The following KANSL1 variants were observed in gnomAD, a reference collection of about 807,000 sequenced individuals.
KANSL1 encodes the protein KAT8 regulatory NSL complex subunit 1.
In KANSL1, 22 loss-of-function variants were observed where a neutral mutation model predicts 103.6. That is an observed-to-expected ratio of 0.21 (90% CI 0.15 to 0.30). KANSL1 has a LOEUF of 0.30. Among genes scored for constraint, KANSL1 ranks in the 10% least tolerant of loss-of-function variants. KANSL1 has a pLI of 1.00. For synonymous variants in KANSL1, 600 were observed against 527.6 expected, an observed-to-expected ratio of 1.14 and a Z score of -1.88; for missense variants, 1,337 against 1,399.8, an observed-to-expected ratio of 0.96 and a Z score of 0.72.
At chr17:46,180,089 T>G (rs2046712310) in intron 1 of KANSL1, among the ~76,000 whole-genome samples, 2 of 152,076 alleles carry the variant, frequency 1.3e-5, no homozygotes, top group Admixed American at 1.3e-4. Context: ...ATTAACAATT[T>G]GCTTAAAACA....
In KANSL1 at chr17:46,146,574, CTG is replaced by C. The variant is rs1378505713; in HGVS notation, c.1289+24279_1289+24280del. Among the ~76,000 whole-genome samples, 45 of 112,574 alleles carry C rather than the reference CTG, an allele frequency of 4.0e-4. 11 individuals are homozygous for C. The highest frequency in any genetic ancestry group is 8.2e-4 in the Non-Finnish European group (34 of 41,656). The allele number at this position is 112,574 out of a possible 152,430, so 73.9% of individuals were successfully genotyped here. On this transcript the variant is annotated intron_variant, in intron 2 of 14. Transcript: ENST00000432791. ...TGAGGCCGGGCGCGGTGGCTCACGC[CTG>C]TAATCCCAGCACTTTGGGAGGCCGA...
chr17:46,088,230 C>T (rs55735563), intron 3 of KANSL1, among the ~76,000 whole-genome samples: 21,553 of 151,822 alleles, frequency 0.14, 2,084 homozygotes, highest in Non-Finnish European at 0.22. Context: ...AACCCTCTCT[C>T]AACTGTATTT....
At chr17:46,123,271 G>A (rs2043366289) in intron 2 of KANSL1, among the ~76,000 whole-genome samples, 14 of 152,212 alleles carry the variant, frequency 9.2e-5, no homozygotes, top group Admixed American at 9.2e-4. Flanking sequence ...CAGCTACTCA[G>A]GAGGCTGAGG....
At chr17:46,221,336 A>G (rs2048527807) in intron 1 of KANSL1, 1 of 150,706 alleles carries the variant, frequency 6.6e-6, no homozygotes, top group East Asian at 1.9e-4. Context: ...TCTTCATTTC[A>G]CTCTTTTCTC....
At chr17:46,184,079 C>A (rs1048888651) in intron 1 of KANSL1, among the ~76,000 whole-genome samples, 11 of 152,184 alleles carry the variant, frequency 7.2e-5, no homozygotes, top group Non-Finnish European at 4.4e-5. Flanking sequence ...CACCAACTTA[C>A]TTTTTACCAT....
intron 2 of KANSL1, among the ~76,000 whole-genome samples, chr17:46,129,487 T>C (rs753195971): frequency 5.9e-5 from 9 of 152,206 alleles, no homozygotes; most frequent in South Asian, 2.1e-4. Context: ...AGTTACAAGA[T>C]TGGCTACACC....
In KANSL1 at chr17:46,039,275, G is replaced by C. The variant is rs554654193; in HGVS notation, c.2204-60C>G. The C allele has an allele frequency of 2.7e-4, 395 of 1,461,906 alleles. 2 individuals carry two copies. Among genetic ancestry groups the C allele is most frequent in the South Asian group, 5.8e-4 (41 of 70,522 alleles). The allele number at this position is 1,461,906 out of a possible 1,614,324, so 90.6% of individuals were successfully genotyped here. On this transcript the variant is annotated intron_variant, in intron 8 of 14. Coordinates refer to ENST00000432791, the MANE Select transcript of KANSL1 (RefSeq NM_015443.4). ...TGTCCTCTCAAATATTTTCTTATTC[G>C]AGTTCCAAGCTCTCGAGTTCTCTCT...
chr17:46,137,163 G>C (rs2044189204), intron 2 of KANSL1, among the ~76,000 whole-genome samples: 1 of 152,134 alleles, frequency 6.6e-6, no homozygotes, highest in Non-Finnish European at 1.5e-5. Flanking sequence ...TTATTCCCCT[G>C]ACTTAATTTT....
intron 4 of KANSL1, among the ~76,000 whole-genome samples, chr17:46,080,972 C>T (rs1302909371): frequency 6.6e-6 from 1 of 152,116 alleles, no homozygotes; most frequent in Non-Finnish European, 1.5e-5. Context: ...ATTTAATACA[C>T]ACACAGGAAT....
chr17:46,094,747 C>A (rs7501903), intron 2 of KANSL1, 46 bp from the exon 3 acceptor site: 4 of 1,610,150 alleles, frequency 2.5e-6, no homozygotes, highest in South Asian at 1.1e-5. Context: ...GCAGTAATAT[C>A]TATACCAGAT....
At chr17:46,139,720 T>C (rs893860668) in intron 2 of KANSL1, among the ~76,000 whole-genome samples, 4 of 152,130 alleles carry the variant, frequency 2.6e-5, no homozygotes, top group Admixed American at 1.3e-4. Context: ...ATACCAAAAA[T>C]AGGCACTAAC....
chr17:46,158,114 C>T (rs1013454316), intron 2 of KANSL1, among the ~76,000 whole-genome samples: 12 of 152,204 alleles, frequency 7.9e-5, no homozygotes, highest in Non-Finnish European at 1.3e-4. Context: ...ATTTTATGCA[C>T]CTAAAAAGCA....
chr17:46,101,890 G>A (rs1163705678), intron 2 of KANSL1, among the ~76,000 whole-genome samples: 4 of 151,954 alleles, frequency 2.6e-5, no homozygotes, highest in Non-Finnish European at 5.9e-5. Context: ...GATAAATTCA[G>A]GAAACAAGTG....
At chr17:46,062,874 A>ACCTCATC (rs2078229659) in intron 6 of KANSL1, among the ~76,000 whole-genome samples, 3 of 151,202 alleles carry the variant, frequency 2.0e-5, no homozygotes, top group Admixed American at 2.0e-4. Context: ...ACACGGTGAA[A>ACCTCATC]CCTCATCTCT....
intron 1 of KANSL1, among the ~76,000 whole-genome samples, chr17:46,182,602 G>A (rs995025119): frequency 2.0e-5 from 3 of 152,198 alleles, no homozygotes; most frequent in African/African-American, 7.2e-5. Flanking sequence ...GTGCAGGATA[G>A]GTTATTACAA....
At chr17:46,184,951 T>C (rs1343062808) in intron 1 of KANSL1, among the ~76,000 whole-genome samples, 1 of 151,662 alleles carries the variant, frequency 6.6e-6, no homozygotes, top group Non-Finnish European at 1.5e-5. Flanking sequence ...GCGTTTCTCC[T>C]GCCTCAGCCT....
At chr17:46,101,754 C>CAAAAAAAAAAAAAA (rs372439614) in intron 2 of KANSL1, among the ~76,000 whole-genome samples, 4 of 93,654 alleles carry the variant, frequency 4.3e-5, no homozygotes, top group Non-Finnish European at 5.5e-5. Context: ...ACTCTGTCTA[C>CAAAAAAAAAAAAAA]AAAAAAAAAA....
intron 1 of KANSL1, among the ~76,000 whole-genome samples, chr17:46,185,598 C>CAA (rs143661996): frequency 4.7e-4 from 67 of 143,582 alleles, no homozygotes; most frequent in African/African-American, 1.4e-3. Context: ...AACTGGAATA[C>CAA]AAAAAAAAAA....
intron 7 of KANSL1, chr17:46,041,769 ATCTT>A (rs1212940362): frequency 5.3e-5 from 8 of 152,224 alleles, no homozygotes; most frequent in Non-Finnish European, 7.4e-5. Flanking sequence ...GCTTTGGGCT[ATCTT>A]TCTATTTATT....
Sources: gnomAD v4.1 joint callset for allele counts (sites outside exome capture counted in the v4.1 genomes callset) on GRCh38, gnomAD v4.1.1 for gene constraint, MANE v1.5 for transcripts, NCBI Gene and HGNC (gene_info 2026-07-23, HGNC 2026-07-21) for gene names.